FGF7: variants seen among roughly 807,000 people sequenced by gnomAD.
FGF7 encodes the protein FGF-7.
In FGF7, 6 loss-of-function variants were observed where a neutral mutation model predicts 20.5. The ratio of observed to expected loss-of-function variants is 0.29; its 90% CI spans 0.16 to 0.58. FGF7 has a LOEUF of 0.58. FGF7 is among the 20% of genes least tolerant of loss of function. The pLI, the probability that FGF7 is intolerant of heterozygous loss-of-function variation, is 0.90. For missense variants in FGF7, 144 were observed against 228.8 expected (o/e 0.63, Z 2.39); for synonymous variants, 64 against 74.7 (o/e 0.86, Z 0.74).
chr15:49,479,171 T>C (rs2055646521), intron 2 of FGF7, among the ~76,000 whole-genome samples: 1 of 152,206 alleles, frequency 6.6e-6, no homozygotes, highest in East Asian at 1.9e-4. Context: ...ATTGACAATA[T>C]TGCTGACAAG....
In FGF7 at chr15:49,486,789, G is replaced by T. The variant is rs2056434220; in HGVS notation, c.*2285G>T. The T allele has an allele frequency of 6.6e-6, 1 of 151,622 alleles. No individual in the cohort carries two copies. The highest frequency in any genetic ancestry group is 2.1e-4 in the South Asian group (1 of 4,798). 9.4% of individuals were successfully genotyped at this position (151,622 alleles called of 1,614,324 possible). A position where few individuals can be genotyped will look rare whatever the true frequency, so the allele number is the denominator to read the frequency against. On this transcript the variant is annotated 3_prime_UTR_variant, in exon 4 of 4. Coordinates refer to ENST00000267843, the MANE Select transcript of FGF7 (RefSeq NM_002009.4). Reference sequence around the variant, plus strand: ...CTAGAAATATGTACTTTAATTATTTGTTTTTCTCCTATTTTTAAATTTATT... The same window carrying T: ...CTAGAAATATGTACTTTAATTATTTTTTTTTCTCCTATTTTTAAATTTATT...
chr15:49,462,373 A>G (rs1004306223), intron 2 of FGF7, among the ~76,000 whole-genome samples: 1 of 152,152 alleles, frequency 6.6e-6, no homozygotes, highest in Non-Finnish European at 1.5e-5. Flanking sequence ...AAATTTTCGG[A>G]TGATATTTCT....
intron 2 of FGF7, among the ~76,000 whole-genome samples, chr15:49,432,021 G>A (rs1000083641): frequency 5.3e-5 from 8 of 151,676 alleles, no homozygotes; most frequent in African/African-American, 1.2e-4. Flanking sequence ...ATTTTGTGCC[G>A]AAAACTGTAA....
chr15:49,470,742 T>C (rs1268055030), intron 2 of FGF7, among the ~76,000 whole-genome samples: 1 of 152,236 alleles, frequency 6.6e-6, no homozygotes, highest in African/African-American at 2.4e-5. Flanking sequence ...AAATGAGTAT[T>C]TGTGATCTAT....
intron 2 of FGF7, among the ~76,000 whole-genome samples, chr15:49,450,304 T>C (rs1265858056): frequency 1.3e-5 from 2 of 152,132 alleles, no homozygotes; most frequent in African/African-American, 4.8e-5. Context: ...AAGATAACTC[T>C]TTCTTCCAAA....
chr15:49,433,346 A>T lies in FGF7; in HGVS notation c.286+8763A>T, dbSNP rs558276539. ...CCATATCTTACTTTTTATTTTTTTT[A>T]ATCTTCCAGTGGTAGAAGCAGCAGC... is the stretch of plus-strand genomic sequence containing the variant. On this transcript the variant is annotated intron_variant, in intron 2 of 3. Coordinates refer to ENST00000267843, the MANE Select transcript of FGF7 (RefSeq NM_002009.4). Among the ~76,000 whole-genome samples, 13 of 151,474 alleles carry T rather than the reference A, an allele frequency of 8.6e-5. No homozygotes were observed. In the East Asian group the frequency reaches 2.5e-3, roughly 30 times the overall value.
intron 2 of FGF7, among the ~76,000 whole-genome samples, chr15:49,477,920 T>A (rs1260373405): frequency 6.6e-6 from 1 of 152,216 alleles, no homozygotes; most frequent in African/African-American, 2.4e-5. Flanking sequence ...AATTCCTTTT[T>A]AAATAATTTC....
In FGF7 at chr15:49,484,660, T is replaced by C. The variant is rs1434843915; in HGVS notation, c.*156T>C. On this transcript the variant is annotated 3_prime_UTR_variant, in exon 4 of 4. Transcript: ENST00000267843. ...TGATCAAGCTGGACTTGTGCATTTA[T>C]GTTTGTTTTAAGACACTGCATTAAA... is the stretch of plus-strand genomic sequence containing the variant. 21 of 456,988 alleles carry C rather than the reference T, an allele frequency of 4.6e-5. No homozygotes were observed. Among genetic ancestry groups the C allele is most frequent in the Non-Finnish European group, 7.6e-5 (20 of 262,022 alleles). 28.3% of individuals were successfully genotyped at this position (456,988 alleles called of 1,614,324 possible). A position where few individuals can be genotyped will look rare whatever the true frequency, so the allele number is the denominator to read the frequency against.
chr15:49,487,306 C>T lies in FGF7; in HGVS notation c.*2802C>T, dbSNP rs2152037230. ...GTTCTTTGAAAGATAAAATTAAATA[C>T]ATGAGTTTCTAACAATTAGAAAAGA... On this transcript the variant is annotated 3_prime_UTR_variant, in exon 4 of 4. Coordinates refer to ENST00000267843, the MANE Select transcript of FGF7 (RefSeq NM_002009.4). 1 of 151,690 alleles carries T rather than the reference C, an allele frequency of 6.6e-6. No homozygotes were observed. Among genetic ancestry groups the T allele is most frequent in the African/African-American group, 2.4e-5 (1 of 41,426 alleles). 9.4% of individuals were successfully genotyped at this position (151,690 alleles called of 1,614,324 possible). A position where few individuals can be genotyped will look rare whatever the true frequency, so the allele number is the denominator to read the frequency against.
intron 2 of FGF7, among the ~76,000 whole-genome samples, chr15:49,474,658 C>A (rs1321826280): frequency 6.6e-6 from 1 of 151,960 alleles, no homozygotes; most frequent in Non-Finnish European, 1.5e-5. Flanking sequence ...GGCTGGGGAC[C>A]GGTACTGGTC....
At chr15:49,427,897 C>T in intron 2 of FGF7, among the ~76,000 whole-genome samples, 1 of 151,900 alleles carries the variant, frequency 6.6e-6, no homozygotes, top group East Asian at 1.9e-4. Flanking sequence ...TGTCTCATAA[C>T]TTTAGGGAAT....
At position 49,424,466 on chromosome 15, in the gene FGF7, G is replaced by A; in HGVS notation, c.169G>A (p.Asp57Asn). The change falls in exon 2 of 4, where the codon GAT becomes AAT. Residue 57 changes from aspartate to asparagine, a missense_variant. Asp to Asn is a conservative substitution (Grantham distance 23). Coordinates refer to ENST00000267843, the MANE Select transcript of FGF7 (RefSeq NM_002009.4). Reference protein sequence around the residue: ...SSPERHTRSYDYMEGGDIRVR... With the variant: ...SSPERHTRSYNYMEGGDIRVR... ...CCCTGAGCGACACACAAGAAGTTAT[G>A]ATTACATGGAAGGAGGGGATATAAG... The A allele has an allele frequency of 1.2e-6, 2 of 1,613,576 alleles. No homozygotes were observed. Among genetic ancestry groups the A allele is most frequent in the South Asian group, 1.1e-5 (1 of 91,062 alleles).
At position 49,485,380 on chromosome 15, in the gene FGF7, T is replaced by C. The variant is rs1275856160; in HGVS notation, c.*876T>C. The C allele has an allele frequency of 6.6e-6, 1 of 152,468 alleles. No homozygotes were observed. The highest frequency in any genetic ancestry group is 1.5e-5 in the Non-Finnish European group (1 of 67,946). 9.4% of individuals were successfully genotyped at this position (152,468 alleles called of 1,614,324 possible). A position where few individuals can be genotyped will look rare whatever the true frequency, so the allele number is the denominator to read the frequency against. On this transcript the variant is annotated 3_prime_UTR_variant, in exon 4 of 4. Coordinates refer to ENST00000267843, the MANE Select transcript of FGF7 (RefSeq NM_002009.4). ...CTTTTAATAATGTTCTTCCCACAAA[T>C]AATCATGCTTTTTTCCTATGGTTAC...
chr15:49,476,928 C>T (rs191985338), intron 2 of FGF7, among the ~76,000 whole-genome samples: 13 of 152,024 alleles, frequency 8.6e-5, no homozygotes, highest in Admixed American at 4.6e-4. Flanking sequence ...GGCGTGGTGG[C>T]GGGTGCCTGT....
At chr15:49,441,960 C>G (rs555437640) in intron 2 of FGF7, among the ~76,000 whole-genome samples, 16 of 151,444 alleles carry the variant, frequency 1.1e-4, no homozygotes, top group Non-Finnish European at 1.8e-4. Flanking sequence ...ATATGTCTGT[C>G]TGGCTAGAGC....
chr15:49,479,360 G>A (rs9302148), intron 2 of FGF7, among the ~76,000 whole-genome samples: 49,703 of 151,574 alleles, frequency 0.33, 8,915 homozygotes, highest in African/African-American at 0.46. Context: ...AAATTTACTG[G>A]GTACTACTTA....
intron 2 of FGF7, among the ~76,000 whole-genome samples, chr15:49,442,915 C>T (rs9920722): frequency 0.61 from 93,146 of 151,462 alleles, 28,871 homozygotes; most frequent in East Asian, 0.76. Flanking sequence ...GAAAAAGAGA[C>T]TGGAAGTGGG....
chr15:49,451,645 A>C lies in FGF7; in HGVS notation c.286+27062A>C, dbSNP rs1456856414. 2.6e-5 allele frequency among the ~76,000 whole-genome samples: 4 copies of C among 152,266 alleles called. No individual in the cohort carries two copies. In the East Asian group the frequency reaches 5.8e-4, roughly 22 times the overall value. On this transcript the variant is annotated intron_variant, in intron 2 of 3. Transcript: ENST00000267843. ...ACCTTGATAATTTCAGTAAACATGA[A>C]GTGAAACACAGCACAAGCCAAACTG...
At position 49,424,050 on chromosome 15, in the gene FGF7, C is replaced by T. The variant is rs895865794; in HGVS notation, c.-248C>T. On this transcript the variant is annotated 5_prime_UTR_variant, in exon 2 of 4. Transcript: ENST00000267843. ...CAAACAGAAGTCAAATAGCAAACAG[C>T]GTCACAGCAACTGAACTTACTACGA... 4 of 382,312 alleles carry T rather than the reference C, an allele frequency of 1.0e-5. No individual in the cohort carries two copies. The highest frequency in any genetic ancestry group is 6.1e-5 in the African/African-American group (3 of 48,924). The allele number at this position is 382,312 out of a possible 1,614,324, so 23.7% of individuals were successfully genotyped here.
Sources: allele counts gnomAD v4.1 joint callset (sites outside exome capture counted in the v4.1 genomes callset), GRCh38; gene constraint gnomAD v4.1.1; transcripts MANE v1.5; gene names NCBI Gene and HGNC (gene_info 2026-07-23, HGNC 2026-07-21).